Variants in GALNT14 observed in about 807,000 individuals in gnomAD.
GALNT14 encodes UDP-GalNAc:polypeptide N-acetylgalactosaminyltransferase 14.
GALNT14 carries 60 observed loss-of-function variants against 77.5 expected under a neutral mutation model. That is an observed-to-expected ratio of 0.77 (90% confidence interval 0.63 to 0.96). GALNT14 has a LOEUF of 0.96. GALNT14 is among the 40% of genes least tolerant of loss of function. GALNT14 has a pLI of 0.00. For missense variants in GALNT14, 710 were observed against 731.0 expected (o/e 0.97, Z 0.33); for synonymous variants, 280 against 281.7 (o/e 0.99, Z 0.06).
At chr2:30,911,150 A>G in intron 14 of GALNT14, 91 bp from the exon 15 acceptor site, 1 of 1,151,582 alleles carries the variant, frequency 8.7e-7, no homozygotes, top group Non-Finnish European at 1.3e-6. Context: ...CCTCATGTCT[A>G]GGGTCACTGA....
intron 14 of GALNT14, 36 bp from the exon 15 acceptor site, chr2:30,911,095 G>A: frequency 6.2e-7 from 1 of 1,600,778 alleles, no homozygotes; most frequent in Non-Finnish European, 8.5e-7. Context: ...TGAACTAGGT[G>A]CCATCAGTAA....
intron 13 of GALNT14, among the ~76,000 whole-genome samples, chr2:30,916,177 G>C (rs1301639456): frequency 6.6e-6 from 1 of 152,172 alleles, no homozygotes; most frequent in African/African-American, 2.4e-5. Context: ...TTATAGATTA[G>C]AAGAAGTTAA....
At chr2:30,993,347 C>T (rs535815534) in intron 1 of GALNT14, among the ~76,000 whole-genome samples, 1 of 152,294 alleles carries the variant, frequency 6.6e-6, no homozygotes, top group South Asian at 2.1e-4. Context: ...AGGTAAGTAC[C>T]TTGCCCAAGA....
intron 1 of GALNT14, among the ~76,000 whole-genome samples, chr2:31,042,006 T>C (rs1160444562): frequency 6.6e-6 from 1 of 152,116 alleles, no homozygotes; most frequent in Non-Finnish European, 1.5e-5. Flanking sequence ...CAGGATAAAA[T>C]GTCCTGAACC....
At chr2:31,044,637 T>A (rs571511843) in intron 1 of GALNT14, among the ~76,000 whole-genome samples, 1 of 149,196 alleles carries the variant, frequency 6.7e-6, no homozygotes, top group Non-Finnish European at 1.5e-5. Context: ...GCAGCTATAC[T>A]ACGGGTGAGG....
chr2:30,900,573 C>T, the GALNT14 span, among the ~76,000 whole-genome samples: 2 of 152,100 alleles, frequency 1.3e-5, no homozygotes, highest in Admixed American at 6.5e-5. Context: ...GTCCCACAGC[C>T]GGTGGGAAAG....
chr2:30,899,908 C>T, the GALNT14 span, among the ~76,000 whole-genome samples: 13 of 152,204 alleles, frequency 8.5e-5, no homozygotes, highest in Non-Finnish European at 1.3e-4. Context: ...GCAGAGGTCA[C>T]GTCTGCACAG....
intron 2 of GALNT14, among the ~76,000 whole-genome samples, chr2:30,992,235 A>G (rs1034033147): frequency 6.6e-6 from 1 of 152,168 alleles, no homozygotes; most frequent in Non-Finnish European, 1.5e-5. Context: ...AAAACTTTCT[A>G]CGTAGCTCCA....
chr2:31,079,451 G>C (rs1676020253), intron 1 of GALNT14, among the ~76,000 whole-genome samples: 1 of 152,188 alleles, frequency 6.6e-6, no homozygotes, highest in South Asian at 2.1e-4. Flanking sequence ...AGAAACTCAG[G>C]CTGTACGGGA....
intron 2 of GALNT14, among the ~76,000 whole-genome samples, chr2:30,971,083 C>T (rs1430760003): frequency 6.6e-6 from 1 of 152,018 alleles, no homozygotes; most frequent in East Asian, 1.9e-4. Context: ...GTCCAAGGAC[C>T]AAGGGATGAG....
chr2:30,897,769 T>C, the GALNT14 span, among the ~76,000 whole-genome samples: 1 of 152,164 alleles, frequency 6.6e-6, no homozygotes, highest in Non-Finnish European at 1.5e-5. Flanking sequence ...GCCTAAGAAC[T>C]GCATGCAACT....
At chr2:30,898,997 G>A in the GALNT14 span, among the ~76,000 whole-genome samples, 5 of 152,210 alleles carry the variant, frequency 3.3e-5, no homozygotes, top group East Asian at 3.9e-4. Flanking sequence ...CATCTCTTGA[G>A]CTGAAGCGCA....
rs529653696 is a variant in GALNT14 at position 30,917,076 on chromosome 2, C to CAAAAAAAAAAAAAAAAAAAA, written c.1381-4754_1381-4735dup. Among the ~76,000 whole-genome samples the CAAAAAAAAAAAAAAAAAAAA allele has an allele frequency of 3.0e-4, 6 of 19,892 alleles. 1 individual carries two copies. Among genetic ancestry groups the CAAAAAAAAAAAAAAAAAAAA allele is most frequent in the Non-Finnish European group, 5.6e-4 (6 of 10,810 alleles). 13.0% of individuals were successfully genotyped at this position (19,892 alleles called of 152,430 possible). On this transcript the variant is annotated intron_variant, in intron 13 of 14. Transcript: ENST00000349752. ...TGGGCAAAAGAGTAAGACTCCGTCT[C>CAAAAAAAAAAAAAAAAAAAA]AAAAAAAAAAAAAAAAAAAAAAAAA...
intron 2 of GALNT14, among the ~76,000 whole-genome samples, chr2:30,976,126 C>A (rs756413391): frequency 2.0e-5 from 3 of 152,162 alleles, no homozygotes; most frequent in Non-Finnish European, 4.4e-5. Flanking sequence ...TTACTGAACA[C>A]AGAAGGCCAG....
intron 1 of GALNT14, among the ~76,000 whole-genome samples, chr2:31,126,184 G>C (rs1237133374): frequency 6.6e-6 from 1 of 152,152 alleles, no homozygotes; most frequent in Admixed American, 6.5e-5. Flanking sequence ...TCTGATGTAA[G>C]ACTATTTCAT....
At chr2:31,023,806 A>G (rs1476970732) in intron 1 of GALNT14, among the ~76,000 whole-genome samples, 1 of 151,810 alleles carries the variant, frequency 6.6e-6, no homozygotes, top group East Asian at 1.9e-4. Context: ...GCAGCCCCTC[A>G]TCACTCTCCT....
At position 30,955,650 on chromosome 2, in the gene GALNT14, A is replaced by C. The variant is rs1573031017; in HGVS notation, c.622T>G (p.Trp208Gly). 1.2e-6 allele frequency: 2 copies of C among 1,614,230 alleles called. No individual in the cohort carries two copies. Residue 208 changes from tryptophan to glycine, a missense_variant, in exon 6 of 15, where the codon TGG becomes GGG. Trp to Gly is a radical substitution (Grantham distance 184). Transcript: ENST00000349752. ...LDSHCEVNRD[W>G]LQPLLHRVKE... ...ACCCTGTGCAACAGAGGCTGGAGCC[A>C]GTCCCTGTTCACCTCACAGTGGCTG...
At chr2:30,923,124 G>A (rs373612820) in intron 13 of GALNT14, among the ~76,000 whole-genome samples, 19 of 144,646 alleles carry the variant, frequency 1.3e-4, no homozygotes, top group Middle Eastern at 3.7e-3. Context: ...GTGCAATGGT[G>A]TGATCTCGGC....
intron 3 of GALNT14, among the ~76,000 whole-genome samples, chr2:30,960,358 A>T (rs536243858): frequency 6.6e-6 from 1 of 152,242 alleles, no homozygotes; most frequent in Non-Finnish European, 1.5e-5. Context: ...ATTCTGCTAA[A>T]TCCCTGCCAG....
Sources: allele counts gnomAD v4.1 joint callset (sites outside exome capture counted in the v4.1 genomes callset), GRCh38; gene constraint gnomAD v4.1.1; transcripts MANE v1.5; gene names NCBI Gene and HGNC (gene_info 2026-07-23, HGNC 2026-07-21).